The following IRAK1BP1 variants were observed in gnomAD, a reference collection of about 807,000 sequenced individuals.
IRAK1BP1 encodes interleukin 1 receptor associated kinase 1 binding protein 1, also known as interleukin-1 receptor-associated kinase 1-binding protein 1.
IRAK1BP1 carries 24 observed loss-of-function variants against 28.0 expected under a neutral mutation model. The observed-to-expected ratio is 0.86, with a 90% CI of 0.62 to 1.20. The LOEUF is 1.20. IRAK1BP1 is among the 50% of genes most tolerant of loss of function. The pLI is 0.00. For synonymous variants in IRAK1BP1, 131 were observed against 116.3 expected, an observed-to-expected ratio of 1.13 and a Z score of -0.81; for missense variants, 336 against 316.7, an observed-to-expected ratio of 1.06 and a Z score of -0.46.
the IRAK1BP1 span, chr6:78,970,752 G>T: frequency 1.5e-6 from 2 of 1,342,158 alleles, no homozygotes; most frequent in Non-Finnish European, 2.1e-6. Flanking sequence ...GTATTTTTGG[G>T]GCTATTAAAT....
chr6:78,896,331 G>GAAAAAAAAAAAAAAAA (rs35774009), intron 2 of IRAK1BP1, among the ~76,000 whole-genome samples: 1 of 93,040 alleles, frequency 1.1e-5, no homozygotes, highest in Non-Finnish European at 2.4e-5. Context: ...AACCTAAATG[G>GAAAAAAAAAAAAAAAA]AAAAAAAAAA....
At chr6:78,875,878 T>C (rs1255100529) in intron 1 of IRAK1BP1, among the ~76,000 whole-genome samples, 1 of 151,958 alleles carries the variant, frequency 6.6e-6, no homozygotes, top group African/African-American at 2.4e-5. Context: ...TAAATAAAAA[T>C]ATATATATTG....
At chr6:78,917,632 TAA>T (rs35313944) in intron 4 of IRAK1BP1, among the ~76,000 whole-genome samples, 8 of 63,696 alleles carry the variant, frequency 1.3e-4, no homozygotes, top group Middle Eastern at 0.013. Context: ...AAGTCAACAC[TAA>T]AAAAAAAAAA....
chr6:78,961,484 A>G, the IRAK1BP1 span, among the ~76,000 whole-genome samples: 1 of 152,120 alleles, frequency 6.6e-6, no homozygotes, highest in African/African-American at 2.4e-5. Context: ...GACCAGCAGC[A>G]TCGACATTAC....
chr6:78,928,458 G>A (rs545545107), intron 4 of IRAK1BP1, among the ~76,000 whole-genome samples: 13 of 152,052 alleles, frequency 8.5e-5, no homozygotes, highest in South Asian at 2.1e-4. Context: ...AGATGATATC[G>A]TCTGCAAACA....
At chr6:78,869,438 T>G (rs1770713724) in intron 1 of IRAK1BP1, among the ~76,000 whole-genome samples, 1 of 152,202 alleles carries the variant, frequency 6.6e-6, no homozygotes, top group Non-Finnish European at 1.5e-5. Flanking sequence ...GAAAATCTCT[T>G]GAATCCGGGA....
intron 1 of IRAK1BP1, among the ~76,000 whole-genome samples, chr6:78,872,342 C>A (rs992723602): frequency 1.4e-4 from 22 of 152,074 alleles, no homozygotes; most frequent in Non-Finnish European, 2.8e-4. Flanking sequence ...TAGGGGCACC[C>A]AAATTAAGAT....
intron 2 of IRAK1BP1, among the ~76,000 whole-genome samples, chr6:78,890,205 G>C (rs1771592006): frequency 6.6e-6 from 1 of 151,584 alleles, no homozygotes. Flanking sequence ...TCAATCATAA[G>C]TGGGAGTTGA....
intron 4 of IRAK1BP1, among the ~76,000 whole-genome samples, chr6:78,944,612 G>A (rs1030767779): frequency 6.6e-6 from 1 of 152,150 alleles, no homozygotes; most frequent in South Asian, 2.1e-4. Context: ...ATGACTCCCT[G>A]ATTTTAAGTT....
chr6:78,955,036 T>C, the IRAK1BP1 span: 1 of 1,057,512 alleles, frequency 9.5e-7, no homozygotes, highest in South Asian at 1.7e-5. Flanking sequence ...TAATGTAGTC[T>C]TAGATAATTG....
intron 2 of IRAK1BP1, among the ~76,000 whole-genome samples, chr6:78,892,290 A>G (rs1413043304): frequency 6.6e-6 from 1 of 152,200 alleles, no homozygotes; most frequent in Non-Finnish European, 1.5e-5. Flanking sequence ...AGTCCAAACT[A>G]GAGAAAGTTG....
At chr6:78,968,822 A>G in the IRAK1BP1 span, among the ~76,000 whole-genome samples, 1 of 152,212 alleles carries the variant, frequency 6.6e-6, no homozygotes, top group Non-Finnish European at 1.5e-5. Flanking sequence ...AAGCTGTAAA[A>G]AACATTCTTC....
intron 2 of IRAK1BP1, among the ~76,000 whole-genome samples, chr6:78,890,104 G>A (rs143856879): frequency 7.0e-4 from 107 of 152,210 alleles, no homozygotes; most frequent in East Asian, 3.5e-3. Context: ...AAAAGGATGC[G>A]TTCATGTTCT....
intron 1 of IRAK1BP1, among the ~76,000 whole-genome samples, chr6:78,874,102 T>C (rs561600799): frequency 1.1e-4 from 16 of 152,244 alleles, no homozygotes; most frequent in Non-Finnish European, 2.4e-4. Context: ...TTACATCTTA[T>C]ACCATAGCTT....
At chr6:78,946,590 G>T, downstream of IRAK1BP1, 1 of 1,418,558 alleles carries the variant, frequency 7.0e-7, no homozygotes, top group Non-Finnish European at 9.1e-7. Context: ...ATAGGAACTT[G>T]CATGTCAAAT....
exon 5 of IRAK1BP1, chr6:78,945,825 C>A: frequency 1.6e-6 from 1 of 618,706 alleles, no homozygotes; most frequent in Non-Finnish European, 2.8e-6. Flanking sequence ...ATGACCTAAA[C>A]CTCAATTTAA....
the IRAK1BP1 span, among the ~76,000 whole-genome samples, chr6:78,962,084 A>G: frequency 6.6e-6 from 1 of 152,196 alleles, no homozygotes; most frequent in Non-Finnish European, 1.5e-5. Context: ...CCTAATAAGT[A>G]CACATACATT....
the IRAK1BP1 span, chr6:78,970,179 A>G: frequency 1.9e-6 from 3 of 1,609,236 alleles, no homozygotes; most frequent in Non-Finnish European, 2.5e-6. Flanking sequence ...TGTTCCTGAG[A>G]GAGACAGAGA....
chr6:78,938,720 GAAAAATTTGAAATTATTTT>G (rs1773362725), intron 4 of IRAK1BP1: 3 of 151,512 alleles, frequency 2.0e-5, no homozygotes, highest in Admixed American at 6.6e-5. Flanking sequence ...CAAAAAACCT[GAAAAATTTGAAATTATTTT>G]TCAACTGCAA....
Sources: allele counts gnomAD v4.1 joint callset (sites outside exome capture counted in the v4.1 genomes callset), GRCh38; gene constraint gnomAD v4.1.1; transcripts MANE v1.5; gene names NCBI Gene and HGNC (gene_info 2026-07-23, HGNC 2026-07-21).